Variants in TMEM120B observed in about 807,000 individuals in gnomAD.
TMEM120B encodes the protein transmembrane protein 120B.
TMEM120B carries 31 observed loss-of-function variants against 55.5 expected under a neutral mutation model. That is an observed-to-expected ratio of 0.56 (90% confidence interval 0.42 to 0.75). The LOEUF is 0.75. Among genes scored for constraint, TMEM120B ranks in the 30% least tolerant of loss-of-function variants. TMEM120B has a pLI of 0.00. For synonymous variants in TMEM120B, 203 were observed against 176.3 expected, an observed-to-expected ratio of 1.15 and a Z score of -1.20; for missense variants, 399 against 425.5, an observed-to-expected ratio of 0.94 and a Z score of 0.55.
rs186690824 is a variant in TMEM120B at position 121,714,551 on chromosome 12, C to T, written c.69+1587C>T. 1.1e-3 allele frequency among the ~76,000 whole-genome samples: 159 copies of T among 149,336 alleles called. 1 individual carries two copies. The East Asian group carries it at 0.029, about 27-fold the overall frequency. ...ATGAGCCACTGTGCCTGGCCCTCAG[C>T]CACTTCTTTTTTTTTTTTTTTTTTT... On this transcript the variant is annotated intron_variant, in intron 1 of 11. Coordinates refer to ENST00000449592, the MANE Select transcript of TMEM120B (RefSeq NM_001080825.2).
intron 1 of TMEM120B, among the ~76,000 whole-genome samples, chr12:121,739,482 T>G (rs917352400): frequency 6.6e-6 from 1 of 150,930 alleles, no homozygotes; most frequent in Non-Finnish European, 1.5e-5. Context: ...TGTAACTTCT[T>G]TTTTTTTTGG....
intron 2 of TMEM120B, among the ~76,000 whole-genome samples, chr12:121,744,052 C>CTTT (rs535863726): frequency 7.2e-6 from 1 of 138,036 alleles, no homozygotes; most frequent in African/African-American, 2.6e-5. Flanking sequence ...GAGTGTCTCT[C>CTTT]TTTTTTTTTT....
chr12:121,760,631 A>G (rs1329792338), intron 5 of TMEM120B, among the ~76,000 whole-genome samples: 2 of 152,190 alleles, frequency 1.3e-5, no homozygotes, highest in African/African-American at 4.8e-5. Context: ...CCACTTGCTC[A>G]GCTCCTGAGA....
At chr12:121,754,139 C>G (rs989111132) in intron 5 of TMEM120B, among the ~76,000 whole-genome samples, 3 of 152,266 alleles carry the variant, frequency 2.0e-5, no homozygotes, top group Non-Finnish European at 2.9e-5. Flanking sequence ...ACTTGAATGC[C>G]CAAACAAAGG....
chr12:121,750,837 CACACT>C (rs1159104035), intron 4 of TMEM120B, among the ~76,000 whole-genome samples: 1 of 136,850 alleles, frequency 7.3e-6, no homozygotes, highest in Non-Finnish European at 1.6e-5. Flanking sequence ...CACCACACAC[CACACT>C]CCACACCCCA....
At chr12:121,730,729 G>A (rs1318405096) in intron 1 of TMEM120B, among the ~76,000 whole-genome samples, 27 of 151,026 alleles carry the variant, frequency 1.8e-4, no homozygotes, top group African/African-American at 3.6e-4. Flanking sequence ...AGGCTGAGGC[G>A]GGTGGATCAC....
At chr12:121,730,786 C>G (rs1419609200) in intron 1 of TMEM120B, among the ~76,000 whole-genome samples, 1 of 151,464 alleles carries the variant, frequency 6.6e-6, no homozygotes, top group Admixed American at 6.6e-5. Flanking sequence ...GGAGAAATGC[C>G]ATCTCTACTA....
intron 1 of TMEM120B, among the ~76,000 whole-genome samples, chr12:121,741,914 A>C (rs551772434): frequency 3.0e-4 from 46 of 152,182 alleles, no homozygotes; most frequent in African/African-American, 1.1e-3. Context: ...GGGTGGGCCA[A>C]GGTGACTCAC....
rs150433987 is a variant in TMEM120B, at chr12:121,761,816, G to A, written c.551+78G>A. The A allele has an allele frequency of 6.6e-4, 747 of 1,136,248 alleles. 8 individuals are homozygous for A. The South Asian group carries it at 6.9e-3, about 11-fold the overall frequency. The allele number at this position is 1,136,248 out of a possible 1,614,324, so 70.4% of individuals were successfully genotyped here. On this transcript the variant is annotated intron_variant, in intron 6 of 11. Transcript: ENST00000449592. ...TCACGAGGGGCGTCAGATGGGGGCC[G>A]ACACCCTCAGGCTGCATTCCTCTCC...
intron 4 of TMEM120B, among the ~76,000 whole-genome samples, chr12:121,751,005 T>TAC (rs1873296326): frequency 1.2e-4 from 1 of 8,496 alleles, no homozygotes; most frequent in Non-Finnish European, 2.1e-4. Context: ...ACACCCCATA[T>TAC]TCACACCCCA....
At chr12:121,757,591 ACTG>A (rs1873522301) in intron 5 of TMEM120B, among the ~76,000 whole-genome samples, 1 of 150,404 alleles carries the variant, frequency 6.6e-6, no homozygotes, top group Non-Finnish European at 1.5e-5. Context: ...ATCTTGGCTC[ACTG>A]CAAGCTCTGC....
intron 8 of TMEM120B, 86 bp from the exon 9 acceptor site, chr12:121,773,335 A>G (rs2137402138): frequency 3.1e-6 from 4 of 1,281,962 alleles, no homozygotes; most frequent in Non-Finnish European, 4.4e-6. Flanking sequence ...GTAAAGACCC[A>G]TCAGCCTGTG....
intron 1 of TMEM120B, among the ~76,000 whole-genome samples, chr12:121,724,832 G>A (rs927735947): frequency 1.3e-5 from 2 of 149,744 alleles, no homozygotes; most frequent in Non-Finnish European, 3.0e-5. Context: ...GGATGGTCTC[G>A]ATCTCCTGAC....
chr12:121,730,495 A>G (rs1592927616), intron 1 of TMEM120B, among the ~76,000 whole-genome samples: 1 of 145,582 alleles, frequency 6.9e-6, no homozygotes, highest in East Asian at 2.0e-4. Context: ...AAAAAAAAAT[A>G]CAAAAATTAG....
rs564400096 is a variant in TMEM120B at position 121,755,942 on chromosome 12, C to T, written c.461+3719C>T. Among the ~76,000 whole-genome samples, 18 of 152,240 alleles carry T rather than the reference C, an allele frequency of 1.2e-4. No homozygotes were observed. In the South Asian group the frequency reaches 3.1e-3, roughly 26 times the overall value. ...ATGCTGGTGGCTTGATAAAGCCCCC[C>T]AGGAACACCCAGAGTGGCGGGTTCT... is the stretch of plus-strand genomic sequence containing the variant. On this transcript the variant is annotated intron_variant, in intron 5 of 11. Transcript: ENST00000449592.
At chr12:121,716,101 G>A (rs886644030) in intron 1 of TMEM120B, among the ~76,000 whole-genome samples, 1 of 150,932 alleles carries the variant, frequency 6.6e-6, no homozygotes, top group African/African-American at 2.4e-5. Context: ...CCAGCAGTTT[G>A]AGACCAGCCT....
rs1206642733 is a variant in TMEM120B, at chr12:121,770,819, C to T, written c.552-88C>T. ...GAAGCCGTCTCTGAGTGCAGAGTAA[C>T]CCCTGCTGCATAGGTGGGGCCTCAG... On this transcript the variant is annotated intron_variant, in intron 6 of 11. Coordinates refer to ENST00000449592, the MANE Select transcript of TMEM120B (RefSeq NM_001080825.2). 3.3e-6 allele frequency: 4 copies of T among 1,215,242 alleles called. No individual in the cohort carries two copies. In the African/African-American group the frequency reaches 4.5e-5, roughly 14 times the overall value. 75.3% of individuals were successfully genotyped at this position (1,215,242 alleles called of 1,614,324 possible). A position where few individuals can be genotyped will look rare whatever the true frequency, so the allele number is the denominator to read the frequency against.
chr12:121,758,796 C>CT (rs1873570291), intron 5 of TMEM120B: 1 of 979,360 alleles, frequency 1.0e-6, no homozygotes, highest in Non-Finnish European at 1.2e-6. Context: ...GACGGCCTAG[C>CT]CCCGTGCTGT....
chr12:121,750,946 TAAC>T (rs1873288733), intron 4 of TMEM120B, among the ~76,000 whole-genome samples: 1 of 4,238 alleles, frequency 2.4e-4, no homozygotes. Flanking sequence ...CACCCCACAC[TAAC>T]ACCCCACACC....
Sources: allele counts gnomAD v4.1 joint callset (sites outside exome capture counted in the v4.1 genomes callset), GRCh38; gene constraint gnomAD v4.1.1; transcripts MANE v1.5; gene names NCBI Gene and HGNC (gene_info 2026-07-23, HGNC 2026-07-21).